The following UVRAG variants were observed in gnomAD, a reference collection of about 807,000 sequenced individuals.
UVRAG encodes UV radiation resistance associated.
Under a neutral mutation model 78.0 loss-of-function variants are expected in UVRAG, and 19 were observed. That is an observed-to-expected ratio of 0.24 (90% CI 0.17 to 0.36). UVRAG has a LOEUF of 0.36. Among genes scored for constraint, UVRAG ranks in the 10% least tolerant of loss-of-function variants. The probability of loss-of-function intolerance (pLI) is 1.00; values close to 1 mark genes in which losing one functional copy is unlikely to be tolerated. For synonymous variants in UVRAG, 323 were observed against 324.6 expected, an observed-to-expected ratio of 1.00 and a Z score of 0.05; for missense variants, 740 against 853.8, an observed-to-expected ratio of 0.87 and a Z score of 1.66.
chr11:75,944,851 A>G (rs918039231), intron 6 of UVRAG, among the ~76,000 whole-genome samples: 1 of 152,098 alleles, frequency 6.6e-6, no homozygotes, highest in Non-Finnish European at 1.5e-5. Context: ...CCTAAAACCA[A>G]CTGTATCAGA....
intron 7 of UVRAG, among the ~76,000 whole-genome samples, chr11:75,979,292 A>G (rs1176888637): frequency 6.6e-6 from 1 of 152,154 alleles, no homozygotes; most frequent in African/African-American, 2.4e-5. Flanking sequence ...CCCTGCTGGG[A>G]GGTGCCTCCC....
intron 5 of UVRAG, among the ~76,000 whole-genome samples, chr11:75,891,691 C>T (rs1356621791): frequency 1.3e-5 from 2 of 152,038 alleles, no homozygotes; most frequent in Admixed American, 6.6e-5. Context: ...ATCAGCAGTT[C>T]GAGAGCTCAG....
At chr11:76,077,899 C>T (rs144791454) in intron 13 of UVRAG, among the ~76,000 whole-genome samples, 67 of 152,228 alleles carry the variant, frequency 4.4e-4, no homozygotes, top group African/African-American at 1.6e-3. Context: ...TTCCTTTATC[C>T]TAGTTGTTTT....
intron 14 of UVRAG, among the ~76,000 whole-genome samples, chr11:76,133,322 T>C (rs1439512630): frequency 1.3e-5 from 2 of 152,196 alleles, no homozygotes; most frequent in African/African-American, 4.8e-5. Context: ...TTCCTAACGA[T>C]GGAGCTACAT....
At chr11:76,012,811 G>A (rs1295804292) in intron 11 of UVRAG, 3 of 141,816 alleles carry the variant, frequency 2.1e-5, no homozygotes, top group South Asian at 5.1e-4. Context: ...GTGTGTGTGT[G>A]TGTGTGTGTG....
chr11:75,887,654 AC>A (rs1185179380), intron 4 of UVRAG, among the ~76,000 whole-genome samples: 1 of 150,018 alleles, frequency 6.7e-6, no homozygotes, highest in Non-Finnish European at 1.5e-5. Flanking sequence ...TCACCGTGTT[AC>A]CCAGGATGGT....
At chr11:75,904,502 A>G (rs770737141) in intron 5 of UVRAG, among the ~76,000 whole-genome samples, 68 of 152,352 alleles carry the variant, frequency 4.5e-4, no homozygotes, top group Non-Finnish European at 2.9e-4. Context: ...GCATATTTCA[A>G]GAATGTTAAT....
chr11:76,097,272 G>C (rs1387539082), intron 13 of UVRAG, among the ~76,000 whole-genome samples: 2 of 151,926 alleles, frequency 1.3e-5, no homozygotes, highest in Admixed American at 1.3e-4. Flanking sequence ...TTCCTCTCTA[G>C]GCTGCTGCTC....
intron 12 of UVRAG, among the ~76,000 whole-genome samples, chr11:76,043,073 C>T (rs1950681365): frequency 6.6e-6 from 1 of 152,110 alleles, no homozygotes; most frequent in South Asian, 2.1e-4. Flanking sequence ...AAGGGGGAGT[C>T]CCTGAATTGG....
chr11:75,964,754 T>C (rs1056616336), intron 7 of UVRAG, among the ~76,000 whole-genome samples: 2 of 152,166 alleles, frequency 1.3e-5, no homozygotes, highest in African/African-American at 4.8e-5. Context: ...TACAAAAAAT[T>C]AGCTGGGTGT....
chr11:76,077,754 C>A (rs1021223500), intron 13 of UVRAG, among the ~76,000 whole-genome samples: 1 of 152,166 alleles, frequency 6.6e-6, no homozygotes, highest in Non-Finnish European at 1.5e-5. Flanking sequence ...GTTCAGGAGA[C>A]CGTACTTGCT....
At chr11:76,028,736 A>G (rs974809767) in intron 12 of UVRAG, among the ~76,000 whole-genome samples, 3 of 152,184 alleles carry the variant, frequency 2.0e-5, no homozygotes, top group African/African-American at 7.2e-5. Flanking sequence ...TGCAGGAGAA[A>G]AGTTGGAAGC....
chr11:76,024,000 T>C (rs1234109665), intron 12 of UVRAG, among the ~76,000 whole-genome samples: 1 of 152,196 alleles, frequency 6.6e-6, no homozygotes, highest in Non-Finnish European at 1.5e-5. Context: ...GAGAATACCA[T>C]GACCAGATAT....
At position 75,861,914 on chromosome 11, in the gene UVRAG, A is replaced by G. The variant is rs574290950; in HGVS notation, c.270+134A>G. On this transcript the variant is annotated intron_variant, in intron 3 of 14. Coordinates refer to ENST00000356136, the MANE Select transcript of UVRAG (RefSeq NM_003369.4). ...AACGGATCTGCTCAATTGTTAAATC[A>G]TCATTGTTTTGTTCATTGCTGTATC... The G allele has an allele frequency of 8.3e-6, 6 of 721,318 alleles. No individual in the cohort carries two copies. In the African/African-American group the frequency reaches 1.1e-4, roughly 13 times the overall value. 44.7% of individuals were successfully genotyped at this position (721,318 alleles called of 1,614,324 possible). A position where few individuals can be genotyped will look rare whatever the true frequency, so the allele number is the denominator to read the frequency against.
intron 14 of UVRAG, among the ~76,000 whole-genome samples, chr11:76,119,111 C>G (rs1213506534): frequency 6.6e-6 from 1 of 152,154 alleles, no homozygotes; most frequent in Non-Finnish European, 1.5e-5. Context: ...TTTTATCTAG[C>G]TTGGTGCCTA....
intron 12 of UVRAG, among the ~76,000 whole-genome samples, chr11:76,037,588 G>A (rs373996331): frequency 1.5e-4 from 23 of 150,558 alleles, no homozygotes; most frequent in African/African-American, 4.6e-4. Context: ...TGGCATACCT[G>A]TAAGTCCCAG....
At chr11:75,922,578 C>T (rs1195649064) in intron 6 of UVRAG, among the ~76,000 whole-genome samples, 4 of 152,190 alleles carry the variant, frequency 2.6e-5, no homozygotes, top group African/African-American at 9.7e-5. Flanking sequence ...AAGTAATAGG[C>T]ATTGTGACCA....
Position 75,851,935 on chromosome 11 carries a change from A to G in UVRAG, c.170A>G (p.Asn57Ser), listed in dbSNP as rs1946161561. 1.2e-6 allele frequency: 2 copies of G among 1,614,112 alleles called. No individual in the cohort carries two copies. Among genetic ancestry groups the G allele is most frequent in the Non-Finnish European group, 1.7e-6 (2 of 1,179,992 alleles). ...GCTGCCCGGAACATTGTTAATAGAA[A>G]TGGCCATCAGCTCCTTGATACCTAC... ...NIAARNIVNR[N>S]GHQLLDTYFT... is the part of the protein sequence containing the mutation. Residue 57 changes from asparagine to serine, a missense_variant, in exon 2 of 15, where the codon AAT becomes AGT. By Grantham distance (46) the Asn-to-Ser change is conservative. Transcript: ENST00000356136.
At chr11:76,098,361 T>C (rs991950681) in intron 13 of UVRAG, among the ~76,000 whole-genome samples, 5 of 151,940 alleles carry the variant, frequency 3.3e-5, no homozygotes, top group African/African-American at 1.2e-4. Flanking sequence ...CAAGCAGGTG[T>C]TGTTATATGA....
Sources: allele counts gnomAD v4.1 joint callset (sites outside exome capture counted in the v4.1 genomes callset), GRCh38; gene constraint gnomAD v4.1.1; transcripts MANE v1.5; gene names NCBI Gene and HGNC (gene_info 2026-07-23, HGNC 2026-07-21).